Variants in KCNQ3 observed in about 807,000 individuals in gnomAD.
The protein encoded by KCNQ3 is potassium voltage-gated channel subfamily Q member 3.
Under a neutral mutation model 92.5 loss-of-function variants are expected in KCNQ3, and 30 were observed. The ratio of observed to expected loss-of-function variants is 0.32; its 90% CI spans 0.24 to 0.44. The LOEUF is 0.44. KCNQ3 is among the 20% of genes least tolerant of loss of function. The pLI is 1.00. For missense variants in KCNQ3, 913 were observed against 1,140.3 expected (o/e 0.80, Z 2.87); for synonymous variants, 450 against 468.8 (o/e 0.96, Z 0.52).
chr8:132,240,879 G>C (rs377070754), intron 1 of KCNQ3, among the ~76,000 whole-genome samples: 1 of 137,064 alleles, frequency 7.3e-6, no homozygotes, highest in African/African-American at 2.6e-5. Flanking sequence ...AACCCAATGA[G>C]CTAGCTACAA....
At chr8:132,178,857 C>T (rs906413802) in intron 4 of KCNQ3, among the ~76,000 whole-genome samples, 2 of 151,272 alleles carry the variant, frequency 1.3e-5, no homozygotes, top group African/African-American at 2.4e-5. Flanking sequence ...TCAGGTCCAG[C>T]TCTCCAGAAA....
chr8:132,187,846 GTGGTAGTGA>G (rs1186887280), intron 1 of KCNQ3, among the ~76,000 whole-genome samples: 141 of 119,072 alleles, frequency 1.2e-3, no homozygotes, highest in African/African-American at 5.4e-3. Context: ...GGTGGTGGTG[GTGGTAGTGA>G]TGGTGGTGGT....
chr8:132,386,764 T>C (rs1167129120), intron 1 of KCNQ3, among the ~76,000 whole-genome samples: 1 of 152,192 alleles, frequency 6.6e-6, no homozygotes, highest in Non-Finnish European at 1.5e-5. Context: ...ATGTGATGAC[T>C]CCTACTAGAA....
At chr8:132,189,249 C>T in intron 1 of KCNQ3, among the ~76,000 whole-genome samples, 1 of 152,212 alleles carries the variant, frequency 6.6e-6, no homozygotes, top group East Asian at 1.9e-4. Context: ...CCAGAGCCTT[C>T]CCTGACCCCA....
intron 1 of KCNQ3, chr8:132,186,607 A>G (rs1237247852): frequency 3.2e-6 from 1 of 311,608 alleles, no homozygotes; most frequent in East Asian, 8.5e-5. Context: ...TCTTAGAATG[A>G]AGAAAACACA....
At chr8:132,313,341 A>T (rs1051938129) in intron 1 of KCNQ3, among the ~76,000 whole-genome samples, 1 of 152,372 alleles carries the variant, frequency 6.6e-6, no homozygotes, top group Non-Finnish European at 1.5e-5. Flanking sequence ...AAAGAGTTAC[A>T]TGAAGACAAT....
chr8:132,410,837 A>G (rs1820633322), intron 1 of KCNQ3, among the ~76,000 whole-genome samples: 1 of 152,238 alleles, frequency 6.6e-6, no homozygotes, highest in Non-Finnish European at 1.5e-5. Context: ...GACAGATGGC[A>G]AAGTGGGACT....
chr8:132,391,482 AC>A (rs1820046084), intron 1 of KCNQ3, among the ~76,000 whole-genome samples: 2 of 152,222 alleles, frequency 1.3e-5, no homozygotes, highest in Admixed American at 1.3e-4. Context: ...ACGCCTCTGC[AC>A]CCAGCAGGTG....
At chr8:132,287,271 T>C (rs1175475809) in intron 1 of KCNQ3, among the ~76,000 whole-genome samples, 1 of 152,186 alleles carries the variant, frequency 6.6e-6, no homozygotes, top group Non-Finnish European at 1.5e-5. Flanking sequence ...TAAGGGGCAG[T>C]GTAATTTAAA....
At chr8:132,406,556 C>T (rs1222151017) in intron 1 of KCNQ3, among the ~76,000 whole-genome samples, 2 of 152,018 alleles carry the variant, frequency 1.3e-5, no homozygotes. Context: ...GGCATACACT[C>T]ACACACAGAC....
At chr8:132,326,679 C>T (rs757009163) in intron 1 of KCNQ3, among the ~76,000 whole-genome samples, 15 of 152,184 alleles carry the variant, frequency 9.9e-5, no homozygotes, top group Non-Finnish European at 2.1e-4. Context: ...CTCCAGAGGA[C>T]TCAACAGCAA....
Position 132,140,101 on chromosome 8 carries a change from G to C in KCNQ3, c.1543C>G (p.Leu515Val), listed in dbSNP as rs368013249. Residue 515 changes from leucine (L) to valine (V), a missense_variant, in exon 11 of 15, where the codon CTG (leucine) becomes GTG (valine). This residue lies in a region of KCNQ3 where 182 missense variants were observed against 234.5 expected (regional missense o/e 0.78). Transcript: ENST00000388996. ...DFPIEDMIPT[L>V]KAAIRAVRIL... ...CTGACGGCTCGGATGGCGGCCTTCA[G>C]GGTGGGGATCATGTCTTCGATGGGG... 4.8e-5 allele frequency: 77 copies of C among 1,606,942 alleles called. 1 individual carries two copies. Among genetic ancestry groups the C allele is most frequent in the Non-Finnish European group, 6.5e-5 (77 of 1,176,670 alleles).
rs1824637414 is a variant in KCNQ3, at chr8:132,125,552, T to C, written c.*3710A>G. On this transcript the variant is annotated 3_prime_UTR_variant, in exon 15 of 15. Coordinates refer to ENST00000388996, the MANE Select transcript of KCNQ3 (RefSeq NM_004519.4). ...AAACCCTGTTAAATGAATAAACAAA[T>C]GATTTTTTCTTTATTACACCCCCAT... 6.6e-6 allele frequency: 1 copy of C among 152,200 alleles called. No individual in the cohort carries two copies. Among genetic ancestry groups the C allele is most frequent in the South Asian group, 2.1e-4 (1 of 4,824 alleles). The allele number at this position is 152,200 out of a possible 1,614,324, so 9.4% of individuals were successfully genotyped here.
intron 1 of KCNQ3, among the ~76,000 whole-genome samples, chr8:132,191,546 TG>T (rs1827160487): frequency 1.3e-5 from 2 of 149,782 alleles, no homozygotes; most frequent in South Asian, 2.1e-4. Flanking sequence ...AATATATGGA[TG>T]GATATATATA....
intron 1 of KCNQ3, among the ~76,000 whole-genome samples, chr8:132,378,908 T>C (rs190492147): frequency 1.1e-4 from 17 of 152,334 alleles, no homozygotes; most frequent in African/African-American, 3.8e-4. Flanking sequence ...GATGTGATAT[T>C]CAGAAGAGTA....
At chr8:132,445,317 G>T (rs540254820) in intron 1 of KCNQ3, among the ~76,000 whole-genome samples, 1 of 152,250 alleles carries the variant, frequency 6.6e-6, no homozygotes, top group Non-Finnish European at 1.5e-5. Flanking sequence ...GTGAGCAAAG[G>T]TGAGGAGGAG....
In KCNQ3 at chr8:132,256,376, G is replaced by A. The variant is rs192332744; in HGVS notation, c.387-70195C>T. ...TAGAGACCTGAGAGACACCATCAGT[G>A]TAGCAACATATGCACATGGAAGTTC... On this transcript the variant is annotated intron_variant, in intron 1 of 14. Transcript: ENST00000388996. 3.3e-5 allele frequency among the ~76,000 whole-genome samples: 5 copies of A among 152,202 alleles called. No homozygotes were observed. The East Asian group carries it at 5.8e-4, about 18-fold the overall frequency.
chr8:132,298,525 T>G (rs1817115888), intron 1 of KCNQ3, among the ~76,000 whole-genome samples: 1 of 152,158 alleles, frequency 6.6e-6, no homozygotes, highest in Non-Finnish European at 1.5e-5. Context: ...TGCTTAATTA[T>G]GCCTGGTGTC....
chr8:132,183,009 T>G (rs1174632612), intron 3 of KCNQ3, among the ~76,000 whole-genome samples: 2 of 151,998 alleles, frequency 1.3e-5, no homozygotes, highest in Non-Finnish European at 2.9e-5. Context: ...AGATTTCAGC[T>G]AGGAGTGGGC....
Sources: allele counts gnomAD v4.1 joint callset (sites outside exome capture counted in the v4.1 genomes callset), GRCh38; gene constraint gnomAD v4.1.1; regional missense constraint gnomAD v4.1.1; transcripts MANE v1.5; gene names NCBI Gene and HGNC (gene_info 2026-07-23, HGNC 2026-07-21).